The following PRELID2 variants were observed in gnomAD, a reference collection of about 807,000 sequenced individuals.
PRELID2 encodes PRELI domain containing 2, also known as PRELI domain-containing protein 2.
Under a neutral mutation model 28.4 loss-of-function variants are expected in PRELID2, and 25 were observed. The observed-to-expected ratio is 0.88, with a 90% CI of 0.64 to 1.23. PRELID2 has a LOEUF of 1.23. Ranked by LOEUF, PRELID2 falls within the 50% of genes most tolerant of loss-of-function variation. The pLI is 0.00. For synonymous variants in PRELID2, 76 were observed against 71.6 expected (o/e 1.06, Z -0.31); for missense variants, 201 against 214.4 (o/e 0.94, Z 0.39).
chr5:145,740,604 TTA>T (rs1353023142), intron 1 of PRELID2, among the ~76,000 whole-genome samples: 1 of 4,162 alleles, frequency 2.4e-4, no homozygotes, highest in South Asian at 4.0e-3. Context: ...TATATATATA[TTA>T]TATATATAAA....
the PRELID2 span, among the ~76,000 whole-genome samples, chr5:145,370,209 G>C: frequency 6.6e-6 from 1 of 152,216 alleles, no homozygotes; most frequent in South Asian, 2.1e-4. Flanking sequence ...CCTATGTCCT[G>C]AATGGTACTG....
chr5:145,279,748 AAC>A, the PRELID2 span, among the ~76,000 whole-genome samples: 4 of 152,160 alleles, frequency 2.6e-5, no homozygotes, highest in Non-Finnish European at 5.9e-5. Context: ...AAAGAAAAGA[AAC>A]ACATTAAACC....
the PRELID2 span, among the ~76,000 whole-genome samples, chr5:145,462,239 T>C: frequency 1.3e-5 from 2 of 152,162 alleles, no homozygotes; most frequent in Non-Finnish European, 2.9e-5. Flanking sequence ...ATAATCCAAA[T>C]TGATTATCAC....
At chr5:145,801,616 C>T (rs1028279118) in intron 4 of PRELID2, among the ~76,000 whole-genome samples, 1 of 152,114 alleles carries the variant, frequency 6.6e-6, no homozygotes, top group African/African-American at 2.4e-5. Context: ...ATTATTTTCT[C>T]TCTTTTATAC....
At chr5:145,508,123 T>G (rs1164593707) in intron 1 of PRELID2, among the ~76,000 whole-genome samples, 2 of 152,326 alleles carry the variant, frequency 1.3e-5, no homozygotes, top group African/African-American at 4.8e-5. Context: ...CACTCTTGTT[T>G]AGCGATAGTG....
chr5:145,517,254 T>C (rs1251183998), intron 1 of PRELID2, among the ~76,000 whole-genome samples: 4 of 151,660 alleles, frequency 2.6e-5, no homozygotes, highest in African/African-American at 9.7e-5. Flanking sequence ...AAAGGGCTAA[T>C]ATCCAGAATC....
intron 1 of PRELID2, among the ~76,000 whole-genome samples, chr5:145,652,584 G>A (rs1754317568): frequency 6.6e-6 from 1 of 152,198 alleles, no homozygotes; most frequent in Admixed American, 6.5e-5. Flanking sequence ...GAAGAGAGTG[G>A]GGGCCAATAT....
At chr5:145,696,509 G>A (rs1343409028) in intron 1 of PRELID2, among the ~76,000 whole-genome samples, 7 of 151,942 alleles carry the variant, frequency 4.6e-5, no homozygotes, top group Non-Finnish European at 5.9e-5. Flanking sequence ...CTCTGTCACC[G>A]AGGCTGTAGT....
intron 1 of PRELID2, among the ~76,000 whole-genome samples, chr5:145,476,189 T>A (rs946718118): frequency 6.6e-6 from 1 of 152,212 alleles, no homozygotes; most frequent in African/African-American, 2.4e-5. Flanking sequence ...TCTGATGCAC[T>A]GGGGGTAAGG....
the PRELID2 span, among the ~76,000 whole-genome samples, chr5:145,252,138 A>C: frequency 5.3e-5 from 8 of 152,146 alleles, no homozygotes; most frequent in Non-Finnish European, 1.2e-4. Flanking sequence ...AGCTTGTTAC[A>C]TATGCTGACT....
At chr5:145,485,593 C>T (rs577122282) in intron 1 of PRELID2, among the ~76,000 whole-genome samples, 2 of 152,288 alleles carry the variant, frequency 1.3e-5, no homozygotes, top group South Asian at 4.1e-4. Flanking sequence ...ATCTCTCATG[C>T]TTTCAAGTTC....
the PRELID2 span, chr5:145,229,693 C>G: frequency 1.3e-6 from 1 of 760,382 alleles, no homozygotes; most frequent in South Asian, 1.3e-5. Context: ...CTTTACCATG[C>G]TCATTTAGAC....
chr5:145,669,727 T>A (rs554134133), intron 1 of PRELID2, among the ~76,000 whole-genome samples: 5 of 152,296 alleles, frequency 3.3e-5, no homozygotes, highest in African/African-American at 1.2e-4. Flanking sequence ...AGCCTCTCTC[T>A]GTGCTCTGGC....
the PRELID2 span, among the ~76,000 whole-genome samples, chr5:145,387,955 C>T: frequency 2.2e-3 from 322 of 145,578 alleles, 3 homozygotes; most frequent in African/African-American, 7.7e-3. Context: ...AAAAAAAAGA[C>T]ACTAAAATTG....
chr5:145,666,395 AC>A (rs1163571535), intron 1 of PRELID2, among the ~76,000 whole-genome samples: 1 of 152,110 alleles, frequency 6.6e-6, no homozygotes, highest in African/African-American at 2.4e-5. Context: ...CCCAAGCCAT[AC>A]AGAGCTACAA....
chr5:145,287,667 C>T, the PRELID2 span, among the ~76,000 whole-genome samples: 1 of 152,066 alleles, frequency 6.6e-6, no homozygotes, highest in Non-Finnish European at 1.5e-5. Flanking sequence ...TATCTTACAC[C>T]AGATTTTCCT....
At chr5:145,390,976 T>C in the PRELID2 span, among the ~76,000 whole-genome samples, 2 of 152,174 alleles carry the variant, frequency 1.3e-5, no homozygotes, top group South Asian at 2.1e-4. Flanking sequence ...ATTGACTCCA[T>C]GTCTCACATC....
intron 1 of PRELID2, among the ~76,000 whole-genome samples, chr5:145,622,163 TG>T (rs1338360817): frequency 2.6e-5 from 4 of 152,122 alleles, no homozygotes; most frequent in African/African-American, 9.7e-5. Flanking sequence ...TGTCTAGGGC[TG>T]GGAGTTGAGG....
the PRELID2 span, among the ~76,000 whole-genome samples, chr5:145,313,025 AT>A: frequency 6.6e-6 from 1 of 152,104 alleles, no homozygotes; most frequent in African/African-American, 2.4e-5. Flanking sequence ...AGAAAAAAAA[AT>A]TCTAAAATTC....
Sources: gnomAD v4.1 joint callset for allele counts (sites outside exome capture counted in the v4.1 genomes callset) on GRCh38, gnomAD v4.1.1 for gene constraint, MANE v1.5 for transcripts, NCBI Gene and HGNC (gene_info 2026-07-23, HGNC 2026-07-21) for gene names.